Variants in ST8SIA6 observed in about 807,000 individuals in gnomAD.
The protein encoded by ST8SIA6 is ST8 alpha-N-acetyl-neuraminide alpha-2,8-sialyltransferase 6.
In ST8SIA6, 39 loss-of-function variants were observed where a neutral mutation model predicts 33.6. The observed-to-expected ratio is 1.16, with a 90% CI of 0.90 to 1.52. The LOEUF (loss-of-function observed/expected upper bound fraction) is 1.52. Among genes scored for constraint, ST8SIA6 ranks in the 40% most tolerant of loss-of-function variants. The probability of loss-of-function intolerance (pLI) is 0.00; values close to 1 mark genes in which losing one functional copy is unlikely to be tolerated. For missense variants in ST8SIA6, 441 were observed against 443.8 expected (o/e 0.99, Z 0.06); for synonymous variants, 172 against 167.2 (o/e 1.03, Z -0.22).
At chr10:17,326,585 C>T (rs1173457414) in intron 6 of ST8SIA6, among the ~76,000 whole-genome samples, 1 of 152,086 alleles carries the variant, frequency 6.6e-6, no homozygotes, top group Non-Finnish European at 1.5e-5. Flanking sequence ...AGCATTTTCC[C>T]AAGTATTGTC....
chr10:17,317,109 T>A lies in ST8SIA6; in HGVS notation c.*3769A>T, dbSNP rs182609951. 4.6e-5 allele frequency among the ~76,000 whole-genome samples: 7 copies of A among 152,292 alleles called. No homozygotes were observed. In the East Asian group the frequency reaches 1.3e-3, roughly 29 times the overall value. On this transcript the variant is annotated 3_prime_UTR_variant, in exon 8 of 8. Coordinates refer to ENST00000377602, the MANE Select transcript of ST8SIA6 (RefSeq NM_001004470.3). The stretch of plus-strand genomic sequence containing the variant: ...CTTTTTAATCCATCGTTTTCATCCC[T>A]CTGGAGCCCAACTTTTTATATGGTG...
intron 3 of ST8SIA6, 136 bp from the exon 4 acceptor site, chr10:17,359,736 A>C (rs1422712171): frequency 6.2e-6 from 3 of 487,792 alleles, no homozygotes; most frequent in African/African-American, 6.1e-5. Flanking sequence ...AATTAAAATC[A>C]TACTCATTTC....
chr10:17,322,989 T>G, intron 7 of ST8SIA6, 76 bp downstream of exon 7: 1 of 1,328,952 alleles, frequency 7.5e-7, no homozygotes, highest in Non-Finnish European at 1.1e-6. Context: ...AGCAACAAGA[T>G]TAGTGCTTAA....
intron 5 of ST8SIA6, among the ~76,000 whole-genome samples, chr10:17,329,058 G>C (rs953817812): frequency 7.9e-5 from 12 of 152,164 alleles, no homozygotes; most frequent in African/African-American, 2.9e-4. Flanking sequence ...AGATGCCCCA[G>C]AATCATTGTG....
At chr10:17,332,095 C>T (rs1038676812) in intron 4 of ST8SIA6, among the ~76,000 whole-genome samples, 1 of 152,208 alleles carries the variant, frequency 6.6e-6, no homozygotes, top group African/African-American at 2.4e-5. Flanking sequence ...CTTCCAGCTT[C>T]ATCCATGTCC....
chr10:17,453,460 G>C (rs1852995617), intron 2 of ST8SIA6, 99 bp downstream of exon 2: 2 of 938,988 alleles, frequency 2.1e-6, no homozygotes, highest in South Asian at 4.7e-5. Flanking sequence ...CGCCGTCCCA[G>C]CCTGCCTACT....
chr10:17,433,858 G>A (rs1171220062), intron 2 of ST8SIA6, among the ~76,000 whole-genome samples: 1 of 152,086 alleles, frequency 6.6e-6, no homozygotes, highest in Non-Finnish European at 1.5e-5. Flanking sequence ...TACTTTTCCA[G>A]CCTCACATTC....
rs1454880215 is a variant in ST8SIA6, at chr10:17,405,482, CAT to C, written c.201-14864_201-14863del. Among the ~76,000 whole-genome samples, 3 of 151,464 alleles carry C rather than the reference CAT, an allele frequency of 2.0e-5. No homozygotes were observed. The East Asian group carries it at 5.8e-4, about 29-fold the overall frequency. ...ACACCTCAAATGAGGTTGCTGACAA[CAT>C]ATTTGAATCAAATAAACAAATTACA... On this transcript the variant is annotated intron_variant, in intron 2 of 7. Transcript: ENST00000377602.
At chr10:17,361,541 C>T (rs1849390518) in intron 3 of ST8SIA6, among the ~76,000 whole-genome samples, 1 of 151,722 alleles carries the variant, frequency 6.6e-6, no homozygotes, top group Non-Finnish European at 1.5e-5. Context: ...CACACACACA[C>T]ACACACACAC....
chr10:17,387,301 G>T (rs943633978), intron 3 of ST8SIA6, among the ~76,000 whole-genome samples: 2 of 151,766 alleles, frequency 1.3e-5, no homozygotes, highest in Non-Finnish European at 2.9e-5. Flanking sequence ...ACCCGGGCTG[G>T]AGTGCAGTGG....
intron 6 of ST8SIA6, among the ~76,000 whole-genome samples, chr10:17,326,668 CA>C (rs1848138660): frequency 6.6e-6 from 1 of 152,148 alleles, no homozygotes; most frequent in African/African-American, 2.4e-5. Context: ...AAAAGATCTT[CA>C]AGGTCAGGTG....
chr10:17,412,407 G>T (rs960421537), intron 2 of ST8SIA6, among the ~76,000 whole-genome samples: 5 of 152,162 alleles, frequency 3.3e-5, no homozygotes, highest in African/African-American at 1.2e-4. Context: ...TCTGAAGCAG[G>T]TACCAAATTT....
chr10:17,373,861 C>T (rs781744090), intron 3 of ST8SIA6, among the ~76,000 whole-genome samples: 10 of 152,028 alleles, frequency 6.6e-5, no homozygotes, highest in East Asian at 1.9e-4. Flanking sequence ...GATATGAATG[C>T]GTAATCAACA....
intron 2 of ST8SIA6, among the ~76,000 whole-genome samples, chr10:17,426,495 C>T (rs920668938): frequency 1.3e-4 from 20 of 152,130 alleles, no homozygotes; most frequent in African/African-American, 4.3e-4. Context: ...AAAGAGCTGG[C>T]GTTTTTAAAA....
chr10:17,424,150 C>G (rs955498651), intron 2 of ST8SIA6, among the ~76,000 whole-genome samples: 18 of 150,322 alleles, frequency 1.2e-4, no homozygotes, highest in African/African-American at 4.4e-4. Flanking sequence ...GTTGCCCAGG[C>G]TGGAGTGCAG....
chr10:17,351,337 T>C (rs1849022300), intron 4 of ST8SIA6, among the ~76,000 whole-genome samples: 1 of 151,586 alleles, frequency 6.6e-6, no homozygotes, highest in African/African-American at 2.4e-5. Context: ...TTCATCTCAA[T>C]TCTCTGAACC....
chr10:17,370,404 T>C (rs1473986262), intron 3 of ST8SIA6, among the ~76,000 whole-genome samples: 2 of 152,214 alleles, frequency 1.3e-5, no homozygotes, highest in African/African-American at 2.4e-5. Context: ...TATTCTTTTT[T>C]GTTTCTCTAT....
In ST8SIA6 at chr10:17,320,750, A is replaced by T. The variant is rs1459050643; in HGVS notation, c.*128T>A. 3.7e-6 allele frequency: 3 copies of T among 816,758 alleles called. No individual in the cohort carries two copies. The African/African-American group carries it at 5.2e-5, about 14-fold the overall frequency. The allele number at this position is 816,758 out of a possible 1,614,324, so 50.6% of individuals were successfully genotyped here. On this transcript the variant is annotated 3_prime_UTR_variant, in exon 8 of 8. Transcript: ENST00000377602. ...GCCATCATTGCAAAATGAGTGGGGAAGCTTTGGTCAAACCAAATTTTGGGG... is the reference window on the plus strand; with the variant it reads ...GCCATCATTGCAAAATGAGTGGGGATGCTTTGGTCAAACCAAATTTTGGGG...
chr10:17,358,085 G>C (rs565912131), intron 4 of ST8SIA6, among the ~76,000 whole-genome samples: 1 of 152,300 alleles, frequency 6.6e-6, no homozygotes, highest in African/African-American at 2.4e-5. Context: ...CCCCTTTCCA[G>C]CCTCTCTTCC....
Sources: allele counts gnomAD v4.1 joint callset (sites outside exome capture counted in the v4.1 genomes callset), GRCh38; gene constraint gnomAD v4.1.1; transcripts MANE v1.5; gene names NCBI Gene and HGNC (gene_info 2026-07-23, HGNC 2026-07-21).